Variants in SYTL3 observed in about 807,000 individuals in gnomAD.
SYTL3 encodes the protein synaptotagmin-like protein 3.
Under a neutral mutation model 82.1 loss-of-function variants are expected in SYTL3, and 88 were observed. The ratio of observed to expected loss-of-function variants is 1.07; its 90% confidence interval spans 0.90 to 1.28. The LOEUF (loss-of-function observed/expected upper bound fraction) is 1.28, where lower values mean the gene tolerates loss of function less well. Ranked by LOEUF, SYTL3 falls within the 50% of genes most tolerant of loss-of-function variation. SYTL3 has a pLI of 0.00. For synonymous variants in SYTL3, 311 were observed against 289.4 expected (o/e 1.07, Z -0.76); for missense variants, 831 against 757.6 (o/e 1.10, Z -1.14).
intron 10 of SYTL3, 140 bp from the exon 11 acceptor site, chr6:158,725,363 C>A: frequency 1.2e-6 from 1 of 839,152 alleles, no homozygotes; most frequent in Non-Finnish European, 1.9e-6. Flanking sequence ...ACGCATTTAC[C>A]AAATGCAGGT....
chr6:158,651,889 AT>A (rs1161212985), intron 2 of SYTL3, 47 bp downstream of exon 2: 2 of 151,010 alleles, frequency 1.3e-5, no homozygotes, highest in African/African-American at 4.9e-5. Context: ...GAGTCTTCTA[AT>A]GTTTTATTTA....
chr6:158,656,351 G>A (rs562754418), intron 2 of SYTL3, among the ~76,000 whole-genome samples: 12 of 152,234 alleles, frequency 7.9e-5, no homozygotes, highest in African/African-American at 1.9e-4. Flanking sequence ...GCATGTGGTC[G>A]TTTGCCTGCA....
chr6:158,756,477 A>C (rs1240420055), intron 13 of SYTL3, among the ~76,000 whole-genome samples: 1 of 152,174 alleles, frequency 6.6e-6, no homozygotes, highest in Non-Finnish European at 1.5e-5. Flanking sequence ...TGGGAGGCCG[A>C]GGCAGGTGGG....
At chr6:158,764,416 GTCA>G (rs371040353) in intron 17 of SYTL3, 76 bp from the exon 18 acceptor site, 11 of 1,102,754 alleles carry the variant, frequency 1.0e-5, no homozygotes, top group East Asian at 2.4e-5. Context: ...CTTCTGGCTG[GTCA>G]TCATTTTTAA....
At chr6:158,677,914 C>T (rs182292152) in intron 5 of SYTL3, among the ~76,000 whole-genome samples, 32 of 152,070 alleles carry the variant, frequency 2.1e-4, no homozygotes, top group African/African-American at 5.3e-4. Flanking sequence ...ATTTGAGAGA[C>T]GGTCTCACAC....
In SYTL3 at chr6:158,651,833, C is replaced by G. The variant is rs1261315802; in HGVS notation, c.-646C>G. On this transcript the variant is annotated 5_prime_UTR_variant, in exon 2 of 18. Transcript: ENST00000611299. ...AGAGAAAGCGCCTGTTCAACTTTGTCCTCTCTCAGGTAGGCTTCAAGTTTT... is the reference window on the plus strand; with the variant it reads ...AGAGAAAGCGCCTGTTCAACTTTGTGCTCTCTCAGGTAGGCTTCAAGTTTT... 4 of 151,920 alleles carry G rather than the reference C, an allele frequency of 2.6e-5. No homozygotes were observed. The highest frequency in any genetic ancestry group is 2.6e-4 in the Admixed American group (4 of 15,272). 9.4% of individuals were successfully genotyped at this position (151,920 alleles called of 1,614,324 possible). A position where few individuals can be genotyped will look rare whatever the true frequency, so the allele number is the denominator to read the frequency against.
At chr6:158,649,140 A>G (rs563757881), upstream of SYTL3, among the ~76,000 whole-genome samples, 5 of 152,332 alleles carry the variant, frequency 3.3e-5, no homozygotes, top group East Asian at 9.6e-4. Context: ...GTAAATATTC[A>G]TGCTATAGTA....
intron 5 of SYTL3, among the ~76,000 whole-genome samples, chr6:158,678,100 C>G (rs1778266947): frequency 6.6e-6 from 1 of 152,178 alleles, no homozygotes; most frequent in South Asian, 2.1e-4. Context: ...TGGTCTGGAA[C>G]TCCTGCGTTC....
Position 158,725,662 on chromosome 6 carries a change from T to C in SYTL3, c.855+25T>C, listed in dbSNP as rs766687805. On this transcript the variant is annotated intron_variant, in intron 11 of 17. Transcript: ENST00000611299. ...CGTGAGTCTCATTCCAATGCTCTTT[T>C]TTTGTTTTTTTGTTTTTTGTTTTTT... 1.9e-3 allele frequency: 1,875 copies of C among 970,138 alleles called. 3 individuals carry two copies. Among genetic ancestry groups the C allele is most frequent in the Non-Finnish European group, 2.6e-3 (1,689 of 657,914 alleles). 60.1% of individuals were successfully genotyped at this position (970,138 alleles called of 1,614,324 possible).
chr6:158,663,292 T>C lies in SYTL3; in HGVS notation c.24T>C (p.Ser8=), dbSNP rs746586449. ...AAATGGCCCAAGAAATAGATCTGAG[T>C]GCTCTCAAGGAGTTAGAACGCGAGG... is the stretch of plus-strand genomic sequence containing the variant. The part of the protein sequence containing the change: MAQEIDL[S]ALKELEREAI... Residue 8 remains serine (S), a synonymous_variant, in exon 4 of 18, where the codon AGT becomes AGC. Transcript: ENST00000611299. 5.6e-6 allele frequency: 9 copies of C among 1,614,026 alleles called. No individual in the cohort carries two copies. The South Asian group carries it at 9.9e-5, about 18-fold the overall frequency.
At chr6:158,713,045 C>T (rs1782938851) in intron 8 of SYTL3, among the ~76,000 whole-genome samples, 1 of 152,198 alleles carries the variant, frequency 6.6e-6, no homozygotes, top group Non-Finnish European at 1.5e-5. Flanking sequence ...CAGGCGTGAG[C>T]CACCGCGCCT....
chr6:158,753,066 TTTC>T (rs1323350861), intron 13 of SYTL3, among the ~76,000 whole-genome samples: 2 of 145,696 alleles, frequency 1.4e-5, no homozygotes, highest in Non-Finnish European at 3.0e-5. Flanking sequence ...TTTTAAAACA[TTTC>T]TTCTTTTCTT....
intron 6 of SYTL3, among the ~76,000 whole-genome samples, chr6:158,704,704 G>A (rs1339056812): frequency 1.3e-5 from 2 of 152,286 alleles, no homozygotes; most frequent in Non-Finnish European, 2.9e-5. Context: ...CACGCCATAG[G>A]GAGTCACTGA....
intron 6 of SYTL3, among the ~76,000 whole-genome samples, chr6:158,704,983 G>A (rs6904498): frequency 2.1e-5 from 1 of 48,566 alleles, no homozygotes; most frequent in South Asian, 8.1e-4. Context: ...AGTGAGGGCT[G>A]TAAGGCCACA....
chr6:158,752,127 T>A, intron 13 of SYTL3, 97 bp downstream of exon 13: 7 of 712,450 alleles, frequency 9.8e-6, no homozygotes, highest in Non-Finnish European at 1.6e-5. Flanking sequence ...AACTCTTGAC[T>A]CAGTTAGATA....
rs188179063 is a variant in SYTL3, at chr6:158,653,743, G to A, written c.-637+1901G>A. ...GGCTTGTGGGCTTTGAGAACGTTCT[G>A]TAGTCTTCCCTTGAAAGCGTGTGTG... On this transcript the variant is annotated intron_variant, in intron 2 of 17. Transcript: ENST00000611299. Among the ~76,000 whole-genome samples the A allele has an allele frequency of 4.7e-4, 72 of 152,304 alleles. 1 individual carries two copies. The East Asian group carries it at 9.5e-3, about 20-fold the overall frequency.
At chr6:158,712,008 A>G (rs1387477195) in intron 8 of SYTL3, among the ~76,000 whole-genome samples, 1 of 152,192 alleles carries the variant, frequency 6.6e-6, no homozygotes, top group Non-Finnish European at 1.5e-5. Context: ...AATGCAGCCC[A>G]GTAGGTCTCG....
At chr6:158,654,707 G>T (rs370162917) in intron 2 of SYTL3, among the ~76,000 whole-genome samples, 13 of 152,284 alleles carry the variant, frequency 8.5e-5, no homozygotes, top group African/African-American at 3.1e-4. Context: ...AGGAAGGCCA[G>T]TCTCCCAGAG....
chr6:158,745,683 C>T, intron 12 of SYTL3, 25 bp downstream of exon 12: 2 of 1,536,758 alleles, frequency 1.3e-6, no homozygotes, highest in African/African-American at 2.8e-5. Context: ...TTAAGTTTAA[C>T]ATGAGACATA....
Sources: gnomAD v4.1 joint callset for allele counts (sites outside exome capture counted in the v4.1 genomes callset) on GRCh38, gnomAD v4.1.1 for gene constraint, MANE v1.5 for transcripts, NCBI Gene and HGNC (gene_info 2026-07-23, HGNC 2026-07-21) for gene names.